The following CYSTM1 variants were observed in gnomAD, a reference collection of about 807,000 sequenced individuals.
CYSTM1 encodes cysteine-rich transmembrane module-containing protein 1.
In CYSTM1, 4 loss-of-function variants were observed where a neutral mutation model predicts 13.1. The ratio of observed to expected loss-of-function variants is 0.31; its 90% CI spans 0.15 to 0.70. The LOEUF is 0.70. CYSTM1 is among the 30% of genes least tolerant of loss of function. The pLI is 0.72. For missense variants in CYSTM1, 96 were observed against 121.6 expected (o/e 0.79, Z 0.99); for synonymous variants, 36 against 42.7 (o/e 0.84, Z 0.62).
In CYSTM1 at chr5:140,177,068, C is replaced by CAAAAAAAAAA. The variant is rs1161281232; in HGVS notation, c.-21+1793_-21+1802dup. 6.8e-5 allele frequency among the ~76,000 whole-genome samples: 6 copies of CAAAAAAAAAA among 87,944 alleles called. 1 individual carries two copies. The highest frequency in any genetic ancestry group is 2.6e-4 in the Admixed American group (2 of 7,752). The allele number at this position is 87,944 out of a possible 152,430, so 57.7% of individuals were successfully genotyped here. A position where few individuals can be genotyped will look rare whatever the true frequency, so the allele number is the denominator to read the frequency against. On this transcript the variant is annotated intron_variant, in intron 1 of 2. Transcript: ENST00000261811. The stretch of plus-strand genomic sequence containing the variant: ...TGGGCGACAGAGCGAGACTCTGTCT[C>CAAAAAAAAAA]AAAAAAAAAAAAAAAAAAATCTCTA...
chr5:140,194,647 C>T lies in CYSTM1; in HGVS notation c.182C>T (p.Thr61Ile). ...WQGGPQEPPK[T>I]TVYVVEDQRR... ...GGTGGACCTCAGGAGCCTCCTAAAA[C>T]CACAGGTGTGTGTCTCTGAATATGT... is the stretch of plus-strand genomic sequence containing the variant. The change falls in exon 2 of 3, where the codon ACC becomes ATC. Residue 61 changes from threonine to isoleucine, a missense_variant. Transcript: ENST00000261811. 1.9e-6 allele frequency: 3 copies of T among 1,611,610 alleles called. No homozygotes were observed. Among genetic ancestry groups the T allele is most frequent in the Non-Finnish European group, 2.5e-6 (3 of 1,179,184 alleles).
rs750379121 is a variant in CYSTM1, at chr5:140,194,515, CA to C, written c.51del (p.Tyr18ThrfsTer49). ...PPYPGPGPTAPYPPYPPQPMG... is the reference protein window; with the variant it reads ...PPYPGPGPTAXYPPYPPQPMG... ...TATCCAGGCCCTGGTCCAACGGCCC[CA>C]TACCCACCTTATCCACCACAACCAA... is the stretch of plus-strand genomic sequence containing the variant. On this transcript the variant is annotated frameshift_variant, in exon 2 of 3. Coordinates refer to ENST00000261811, the MANE Select transcript of CYSTM1 (RefSeq NM_032412.4). LOFTEE classifies it high-confidence loss of function. 6.2e-7 allele frequency: 1 copy of C among 1,613,022 alleles called. No individual in the cohort carries two copies. Among genetic ancestry groups the C allele is most frequent in the African/African-American group, 1.3e-5 (1 of 74,990 alleles).
At chr5:140,185,212 G>GC (rs1764001999) in intron 1 of CYSTM1, among the ~76,000 whole-genome samples, 1 of 152,218 alleles carries the variant, frequency 6.6e-6, no homozygotes. Flanking sequence ...GCCTTCAGAG[G>GC]TAGATGATCC....
chr5:140,194,741 C>T (rs2126657552), intron 2 of CYSTM1, 89 bp downstream of exon 2: 1 of 1,465,420 alleles, frequency 6.8e-7, no homozygotes, highest in Non-Finnish European at 9.2e-7. Context: ...AAATTCTTTC[C>T]AGCCTTTGCA....
At chr5:140,197,899 C>T (rs569610123) in intron 2 of CYSTM1, among the ~76,000 whole-genome samples, 27 of 152,212 alleles carry the variant, frequency 1.8e-4, no homozygotes, top group East Asian at 1.7e-3. Context: ...TGAGCAGGGT[C>T]GGGTAGATGG....
intron 1 of CYSTM1, among the ~76,000 whole-genome samples, chr5:140,187,027 G>A (rs1353879689): frequency 1.3e-5 from 2 of 152,146 alleles, no homozygotes; most frequent in African/African-American, 4.8e-5. Flanking sequence ...CCTGGAGGCT[G>A]AGGCAGGAGA....
chr5:140,212,983 G>GTATA (rs150669111), intron 2 of CYSTM1, among the ~76,000 whole-genome samples: 11,756 of 114,068 alleles, frequency 0.1, 806 homozygotes, highest in Non-Finnish European at 0.12. Flanking sequence ...CAAAACAAAA[G>GTATA]TATATATATA....
intron 2 of CYSTM1, among the ~76,000 whole-genome samples, chr5:140,240,671 G>A (rs1167734808): frequency 6.6e-6 from 1 of 152,102 alleles, no homozygotes; most frequent in East Asian, 1.9e-4. Context: ...GTGCAGCTCA[G>A]TGCACCCTCT....
intron 2 of CYSTM1, chr5:140,228,813 T>G: frequency 2.5e-6 from 1 of 399,588 alleles, no homozygotes; most frequent in Non-Finnish European, 4.4e-6. Flanking sequence ...CTGCTGCTGC[T>G]GCCTCCTGGA....
chr5:140,243,417 C>A lies in CYSTM1; in HGVS notation c.*6C>A, dbSNP rs1217899824. Reference sequence around the variant, plus strand: ...TCTGGGACATGCTCACCTGACCAGACCAGCCCAGCCGTCCTGTCCTGCCAG... The same window carrying A: ...TCTGGGACATGCTCACCTGACCAGAACAGCCCAGCCGTCCTGTCCTGCCAG... On this transcript the variant is annotated 3_prime_UTR_variant, in exon 3 of 3. Transcript: ENST00000261811. The A allele has an allele frequency of 6.2e-7, 1 of 1,613,368 alleles. No homozygotes were observed. The highest frequency in any genetic ancestry group is 8.5e-7 in the Non-Finnish European group (1 of 1,179,690).
At chr5:140,208,645 AT>A (rs1764326687) in intron 2 of CYSTM1, among the ~76,000 whole-genome samples, 2 of 152,222 alleles carry the variant, frequency 1.3e-5, no homozygotes, top group South Asian at 4.1e-4. Flanking sequence ...ATTCTCTATG[AT>A]GCATTACATG....
At chr5:140,178,329 C>T (rs1439746092) in intron 1 of CYSTM1, among the ~76,000 whole-genome samples, 1 of 151,100 alleles carries the variant, frequency 6.6e-6, no homozygotes, top group African/African-American at 2.4e-5. Flanking sequence ...TGAGCTCCTC[C>T]AAAGCAGAAT....
chr5:140,204,054 C>T (rs1280620855), intron 2 of CYSTM1, among the ~76,000 whole-genome samples: 1 of 152,012 alleles, frequency 6.6e-6, no homozygotes, highest in Non-Finnish European at 1.5e-5. Flanking sequence ...TTTCCAGGGT[C>T]AGTAAGTTTT....
At chr5:140,226,488 T>G (rs1764551897) in intron 2 of CYSTM1, among the ~76,000 whole-genome samples, 1 of 111,700 alleles carries the variant, frequency 9.0e-6, no homozygotes, top group Non-Finnish European at 1.8e-5. Flanking sequence ...TATATTTATA[T>G]ATATATAATA....
chr5:140,232,724 G>T (rs1764631342), intron 2 of CYSTM1, among the ~76,000 whole-genome samples: 1 of 152,206 alleles, frequency 6.6e-6, no homozygotes, highest in Admixed American at 6.5e-5. Context: ...ATGTGTGTAA[G>T]CATGGAACAG....
intron 1 of CYSTM1, among the ~76,000 whole-genome samples, chr5:140,192,874 A>T (rs1326185873): frequency 6.6e-6 from 1 of 152,174 alleles, no homozygotes; most frequent in African/African-American, 2.4e-5. Flanking sequence ...CCTGAAGCAC[A>T]TGAACTACAG....
rs1385872548 is a variant in CYSTM1, at chr5:140,194,656, T to A, written c.187+4T>A. 6.2e-7 allele frequency: 1 copy of A among 1,608,678 alleles called. No individual in the cohort carries two copies. The highest frequency in any genetic ancestry group is 8.5e-7 in the Non-Finnish European group (1 of 1,178,322). On this transcript the variant is annotated splice_donor_region_variant and intron_variant, in intron 2 of 2. Coordinates refer to ENST00000261811, the MANE Select transcript of CYSTM1 (RefSeq NM_032412.4). The stretch of plus-strand genomic sequence containing the variant: ...CAGGAGCCTCCTAAAACCACAGGTG[T>A]GTGTCTCTGAATATGTGGGTGTGCA...
chr5:140,235,171 T>C (rs1199117544), intron 2 of CYSTM1, among the ~76,000 whole-genome samples: 1 of 151,720 alleles, frequency 6.6e-6, no homozygotes, highest in African/African-American at 2.4e-5. Context: ...TTTCGCCATG[T>C]TGGCCAGGCT....
intron 2 of CYSTM1, among the ~76,000 whole-genome samples, chr5:140,214,368 G>A (rs1391082980): frequency 2.0e-5 from 3 of 152,134 alleles, no homozygotes; most frequent in East Asian, 1.9e-4. Context: ...TAAAAGCCTC[G>A]GTTTGCCTAG....
Sources: gnomAD v4.1 joint callset for allele counts (sites outside exome capture counted in the v4.1 genomes callset) on GRCh38, gnomAD v4.1.1 for gene constraint, MANE v1.5 for transcripts, NCBI Gene and HGNC (gene_info 2026-07-23, HGNC 2026-07-21) for gene names.